Variants in RBFOX1 observed in about 807,000 individuals in gnomAD.
RBFOX1 encodes the protein RNA binding protein fox-1 homolog 1.
Under a neutral mutation model 57.7 loss-of-function variants are expected in RBFOX1, and 8 were observed. The ratio of observed to expected loss-of-function variants is 0.14; its 90% CI spans 0.08 to 0.25. The LOEUF (loss-of-function observed/expected upper bound fraction) is 0.25, where lower values mean the gene tolerates loss of function less well. Ranked by LOEUF, RBFOX1 falls within the 10% of genes least tolerant of loss-of-function variation. The probability of loss-of-function intolerance (pLI) is 1.00; values close to 1 mark genes in which losing one functional copy is unlikely to be tolerated. For synonymous variants in RBFOX1, 326 were observed against 222.4 expected, an observed-to-expected ratio of 1.47 and a Z score of -4.15; for missense variants, 611 against 548.5, an observed-to-expected ratio of 1.11 and a Z score of -1.14.
chr16:5,321,592 C>T (rs967362050), intron 1 of RBFOX1, among the ~76,000 whole-genome samples: 3 of 152,118 alleles, frequency 2.0e-5, no homozygotes, highest in African/African-American at 7.2e-5. Flanking sequence ...GCTGGGATTA[C>T]AGGCGTGAGC....
intron 1 of RBFOX1, among the ~76,000 whole-genome samples, chr16:6,043,351 G>C (rs978299083): frequency 2.6e-5 from 4 of 152,174 alleles, no homozygotes; most frequent in Non-Finnish European, 4.4e-5. Context: ...ATTCAGAAAA[G>C]ACAGCTTTGC....
chr16:6,147,725 C>T (rs560173312), intron 1 of RBFOX1, among the ~76,000 whole-genome samples: 1 of 152,184 alleles, frequency 6.6e-6, no homozygotes, highest in Non-Finnish European at 1.5e-5. Context: ...AAAAGCCTCC[C>T]CAGTCCTCGC....
intron 6 of RBFOX1, 70 bp downstream of exon 6, chr16:7,579,990 T>C: frequency 1.3e-6 from 2 of 1,530,152 alleles, no homozygotes; most frequent in Non-Finnish European, 1.8e-6. Context: ...CTCATGTAAG[T>C]TTGGGGTATT....
At chr16:7,117,948 G>A (rs116418088) in intron 4 of RBFOX1, among the ~76,000 whole-genome samples, 204 of 152,314 alleles carry the variant, frequency 1.3e-3, no homozygotes, top group African/African-American at 4.8e-3. Flanking sequence ...GAGAGGGAGA[G>A]AGATCCAGCA....
rs78576073 is a variant in RBFOX1, at chr16:7,385,075, G to A, written c.28-133072G>A. ...GAGGACCTTGGAATTTTTGAAAGAT[G>A]AACAGATCCCTGGAAAATAGAGAGA... On this transcript the variant is annotated intron_variant, in intron 4 of 15. Transcript: ENST00000550418. Among the ~76,000 whole-genome samples, 1,164 of 152,296 alleles carry A rather than the reference G, an allele frequency of 7.6e-3. 15 individuals are homozygous for A. The highest frequency in any genetic ancestry group is 0.027 in the African/African-American group (1,113 of 41,572).
At chr16:7,073,427 G>T (rs138801162) in intron 4 of RBFOX1, among the ~76,000 whole-genome samples, 1 of 152,110 alleles carries the variant, frequency 6.6e-6, no homozygotes, top group Non-Finnish European at 1.5e-5. Flanking sequence ...AGTTAGCCGA[G>T]CGCTGCCAGA....
At chr16:5,967,886 T>C (rs184143332) in intron 4 of RBFOX1, among the ~76,000 whole-genome samples, 67 of 152,346 alleles carry the variant, frequency 4.4e-4, no homozygotes, top group African/African-American at 1.3e-3. Context: ...TTGTTTTGTT[T>C]TGCTTTGCAT....
chr16:5,367,952 G>A (rs2065765243), intron 1 of RBFOX1, among the ~76,000 whole-genome samples: 1 of 152,170 alleles, frequency 6.6e-6, no homozygotes, highest in Non-Finnish European at 1.5e-5. Flanking sequence ...GGGTTGTGAG[G>A]AGTTTCCCGT....
At chr16:7,248,552 T>A (rs941874819) in intron 4 of RBFOX1, among the ~76,000 whole-genome samples, 9 of 152,216 alleles carry the variant, frequency 5.9e-5, no homozygotes, top group Admixed American at 5.9e-4. Context: ...TGGTTTTACC[T>A]GTCATCTCAG....
chr16:7,573,473 A>G (rs2093000656), intron 5 of RBFOX1, among the ~76,000 whole-genome samples: 1 of 152,108 alleles, frequency 6.6e-6, no homozygotes, highest in Non-Finnish European at 1.5e-5. Flanking sequence ...CTGCATGGCT[A>G]TGTCCTACCT....
At chr16:6,848,742 T>C (rs137901749) in intron 3 of RBFOX1, among the ~76,000 whole-genome samples, 1 of 152,214 alleles carries the variant, frequency 6.6e-6, no homozygotes, top group East Asian at 1.9e-4. Flanking sequence ...CAGTAACATA[T>C]GACAAGTCAC....
At chr16:6,967,927 A>T (rs1007525889) in intron 3 of RBFOX1, among the ~76,000 whole-genome samples, 1 of 152,172 alleles carries the variant, frequency 6.6e-6, no homozygotes, top group East Asian at 1.9e-4. Context: ...CCAACTGTTC[A>T]GCTGCCCCGG....
intron 4 of RBFOX1, among the ~76,000 whole-genome samples, chr16:5,985,822 C>T (rs954128793): frequency 1.2e-4 from 18 of 152,092 alleles, no homozygotes; most frequent in African/African-American, 3.9e-4. Context: ...CCTCTGGGGG[C>T]GCACAGAAAG....
rs571875318 is a variant in RBFOX1, at chr16:6,573,795, C to T, written c.-63-80808C>T. On this transcript the variant is annotated intron_variant, in intron 2 of 15. Transcript: ENST00000550418. ...GAATGTCGCTGGCTGCCGTTCACAG[C>T]AGGCTCTCTCTGAGCACCGTGGGGA... The T allele has an allele frequency of 2.0e-5, 3 of 152,306 alleles. No homozygotes were observed. The East Asian group carries it at 5.8e-4, about 30-fold the overall frequency. 9.4% of individuals were successfully genotyped at this position (152,306 alleles called of 1,614,324 possible). A position where few individuals can be genotyped will look rare whatever the true frequency, so the allele number is the denominator to read the frequency against.
chr16:6,819,549 C>T (rs1332559067), intron 3 of RBFOX1, among the ~76,000 whole-genome samples: 1 of 151,060 alleles, frequency 6.6e-6, no homozygotes, highest in Non-Finnish European at 1.5e-5. Flanking sequence ...ACTAAAAATA[C>T]AAAATTAGCC....
At chr16:6,752,627 T>C (rs1214001081) in intron 3 of RBFOX1, among the ~76,000 whole-genome samples, 1 of 152,226 alleles carries the variant, frequency 6.6e-6, no homozygotes, top group East Asian at 1.9e-4. Context: ...CTTGCCATAA[T>C]GTTCTTCCAT....
intron 1 of RBFOX1, among the ~76,000 whole-genome samples, chr16:5,375,963 C>G (rs942572772): frequency 6.6e-6 from 1 of 151,922 alleles, no homozygotes; most frequent in Non-Finnish European, 1.5e-5. Flanking sequence ...GGTCGGGAGT[C>G]TGAGACCAGC....
At chr16:5,499,356 T>C (rs2151692266) in intron 2 of RBFOX1, among the ~76,000 whole-genome samples, 1 of 152,270 alleles carries the variant, frequency 6.6e-6, no homozygotes, top group African/African-American at 2.4e-5. Context: ...GGTAGAACTC[T>C]CTCTGTCCAG....
intron 4 of RBFOX1, among the ~76,000 whole-genome samples, chr16:7,068,435 C>T (rs895647009): frequency 6.6e-6 from 1 of 152,136 alleles, no homozygotes; most frequent in Non-Finnish European, 1.5e-5. Flanking sequence ...TGGCCATTGG[C>T]CCAGGACTCA....
Sources: allele counts gnomAD v4.1 joint callset (sites outside exome capture counted in the v4.1 genomes callset), GRCh38; gene constraint gnomAD v4.1.1; transcripts MANE v1.5; gene names NCBI Gene and HGNC (gene_info 2026-07-23, HGNC 2026-07-21).